The following BICD2 variants were observed in gnomAD, a reference collection of about 807,000 sequenced individuals.
BICD2 encodes the protein protein bicaudal D homolog 2.
A neutral mutation model predicts 72.9 loss-of-function variants in BICD2; 25 were observed. The observed-to-expected ratio is 0.34, with a 90% CI of 0.25 to 0.48. The LOEUF (loss-of-function observed/expected upper bound fraction) is 0.48. Ranked by LOEUF, BICD2 falls within the 20% of genes least tolerant of loss-of-function variation. BICD2 has a pLI of 0.99. For synonymous variants in BICD2, 501 were observed against 516.1 expected (o/e 0.97, Z 0.40); for missense variants, 894 against 1,175.2 (o/e 0.76, Z 3.50).
At chr9:92,753,860 T>C in intron 1 of BICD2, among the ~76,000 whole-genome samples, 1 of 151,618 alleles carries the variant, frequency 6.6e-6, no homozygotes, top group Non-Finnish European at 1.5e-5. Flanking sequence ...TTTATACACG[T>C]TCAATGGCTT....
chr9:92,729,856 G>A (rs1853644662), intron 1 of BICD2, among the ~76,000 whole-genome samples: 1 of 152,252 alleles, frequency 6.6e-6, no homozygotes, highest in Non-Finnish European at 1.5e-5. Context: ...AAGGGGCGCG[G>A]GGGCTGCACG....
At chr9:92,749,718 G>C (rs1163363493) in intron 1 of BICD2, among the ~76,000 whole-genome samples, 1 of 152,254 alleles carries the variant, frequency 6.6e-6, no homozygotes, top group Non-Finnish European at 1.5e-5. Context: ...GCTGCACCCA[G>C]GGCTGGCAAA....
At chr9:92,726,926 G>A (rs1853578720) in intron 2 of BICD2, among the ~76,000 whole-genome samples, 1 of 152,208 alleles carries the variant, frequency 6.6e-6, no homozygotes, top group African/African-American at 2.4e-5. Context: ...TAGGCCTCTT[G>A]GAAGAGAGAA....
At chr9:92,737,287 T>C (rs1853808108) in intron 1 of BICD2, among the ~76,000 whole-genome samples, 1 of 152,216 alleles carries the variant, frequency 6.6e-6, no homozygotes, top group African/African-American at 2.4e-5. Context: ...TGTGGCCTCC[T>C]ACTCCACCCA....
At position 92,729,109 on chromosome 9, in the gene BICD2, G is replaced by A. The variant is rs372717499; in HGVS notation, c.368C>T (p.Thr123Met). ...YYVRKVLELQTELKQLRNVLT... is the reference protein window; with the variant it reads ...YYVRKVLELQMELKQLRNVLT... ...GACATTGCGCAACTGCTTCAGCTCC[G>A]TCTGCAGCTCTAGCACCTTCCGCAC... is the stretch of plus-strand genomic sequence containing the variant. The change falls in exon 2 of 7, where the codon ACG becomes ATG. Residue 123 changes from threonine (T) to methionine (M), a missense_variant. Transcript: ENST00000356884. 38 of 1,614,118 alleles carry A rather than the reference G, an allele frequency of 2.4e-5. No homozygotes were observed. Among genetic ancestry groups the A allele is most frequent in the South Asian group, 5.5e-5 (5 of 91,092 alleles).
chr9:92,713,433 G>A lies in BICD2; in HGVS notation c.*1721C>T. On this transcript the variant is annotated 3_prime_UTR_variant, in exon 7 of 7. Transcript: ENST00000356884. ...GGCTGCAGTGTGACAGGGCCGGGTG[G>A]CCAAGTCCTCCTGGCAGCTACTCTA... 2 of 1,587,202 alleles carry A rather than the reference G, an allele frequency of 1.3e-6. No individual in the cohort carries two copies. Among genetic ancestry groups the A allele is most frequent in the Non-Finnish European group, 1.7e-6 (2 of 1,165,562 alleles).
chr9:92,720,172 G>T lies in BICD2; in HGVS notation c.1062+128C>A. On this transcript the variant is annotated intron_variant, in intron 4 of 6. Transcript: ENST00000356884. The surrounding 1 kb of genome is among the most constrained non-coding windows in gnomAD (Gnocchi z 5.4). ...CTGGAGTTCCATTTACCGTAATGAT[G>T]CAGGAGATAAAATCAACGTAAGGAA... is the stretch of plus-strand genomic sequence containing the variant. 1.0e-6 allele frequency: 1 copy of T among 977,806 alleles called. No individual in the cohort carries two copies. The highest frequency in any genetic ancestry group is 1.5e-6 in the Non-Finnish European group (1 of 680,888). The allele number at this position is 977,806 out of a possible 1,614,324, so 60.6% of individuals were successfully genotyped here. A position where few individuals can be genotyped will look rare whatever the true frequency, so the allele number is the denominator to read the frequency against.
intron 3 of BICD2, among the ~76,000 whole-genome samples, chr9:92,721,101 C>A (rs533887944): frequency 2.6e-5 from 4 of 152,222 alleles, no homozygotes; most frequent in African/African-American, 9.6e-5. Flanking sequence ...GCACCAAGAA[C>A]AACACACATC....
In BICD2 at chr9:92,713,397, G is replaced by C; in HGVS notation, c.*1757C>G. Reference sequence around the variant, plus strand: ...CTTCCTCCTTGTGGGCCACGAGAGGGAAGGGGAAGGGGCTGCAGTGTGACA... The same window carrying C: ...CTTCCTCCTTGTGGGCCACGAGAGGCAAGGGGAAGGGGCTGCAGTGTGACA... On this transcript the variant is annotated 3_prime_UTR_variant, in exon 7 of 7. Transcript: ENST00000356884. 1 of 1,544,434 alleles carries C rather than the reference G, an allele frequency of 6.5e-7. No individual in the cohort carries two copies. The highest frequency in any genetic ancestry group is 2.3e-5 in the East Asian group (1 of 42,632).
Position 92,715,040 on chromosome 9 carries a change from C to G in BICD2, c.*114G>C. Reference sequence around the variant, plus strand: ...CGCCCCATGGCGCCTCGGCTAGACTCCTACCCTCTGTGCATTAGTCACGTT... The same window carrying G: ...CGCCCCATGGCGCCTCGGCTAGACTGCTACCCTCTGTGCATTAGTCACGTT... On this transcript the variant is annotated 3_prime_UTR_variant, in exon 7 of 7. Transcript: ENST00000356884. 6.9e-7 allele frequency: 1 copy of G among 1,456,762 alleles called. No homozygotes were observed. Among genetic ancestry groups the G allele is most frequent in the Non-Finnish European group, 9.1e-7 (1 of 1,103,264 alleles). 90.2% of individuals were successfully genotyped at this position (1,456,762 alleles called of 1,614,324 possible). A position where few individuals can be genotyped will look rare whatever the true frequency, so the allele number is the denominator to read the frequency against.
intron 2 of BICD2, among the ~76,000 whole-genome samples, chr9:92,725,754 C>T (rs772100129): frequency 4.6e-5 from 7 of 152,240 alleles, no homozygotes; most frequent in Non-Finnish European, 7.3e-5. Flanking sequence ...TGCAGGGGGT[C>T]GGCTGCCCTC....
chr9:92,764,531 G>A lies in BICD2; in HGVS notation c.214C>T (p.Arg72Cys), dbSNP rs909189054. 1 of 1,538,460 alleles carries A rather than the reference G, an allele frequency of 6.5e-7. No homozygotes were observed. Among genetic ancestry groups the A allele is most frequent in the Non-Finnish European group, 8.8e-7 (1 of 1,142,116 alleles). Residue 72 changes from arginine to cysteine, a missense_variant, in exon 1 of 7, where the codon CGC becomes TGC. Physicochemically the swap from Arg to Cys is radical, Grantham distance 180 (BLOSUM62 -3). This residue lies in a region of BICD2 where 192 missense variants were observed against 243.6 expected (regional missense o/e 0.79). Transcript: ENST00000356884. The surrounding 1 kb of genome is among the most constrained non-coding windows in gnomAD (Gnocchi z 5.5). ...TCCTTGAGCTGCTCCATCTCGCTGCGGATAGCCTCATAGTCCACCTCGAGC... is the reference window on the plus strand; with the variant it reads ...TCCTTGAGCTGCTCCATCTCGCTGCAGATAGCCTCATAGTCCACCTCGAGC... Reference protein sequence around the residue: ...EELEVDYEAIRSEMEQLKEAF... With the variant: ...EELEVDYEAICSEMEQLKEAF...
chr9:92,734,724 C>A (rs1853743969), intron 1 of BICD2, among the ~76,000 whole-genome samples: 1 of 152,138 alleles, frequency 6.6e-6, no homozygotes, highest in Non-Finnish European at 1.5e-5. Flanking sequence ...GTGGGCTTGT[C>A]CTTGCAGCTT....
chr9:92,717,802 G>A lies in BICD2; in HGVS notation c.2253C>T (p.Ala751=), dbSNP rs766685844. ...ATFSSLRAMF[A]TRCDEYITQL... ...CCCGACAGCAGCACGGTTACCTGGT[G>A]GCAAACATAGCACGCAGCGAGGAGA... Residue 751 remains alanine, a synonymous_variant, in exon 6 of 7, where the codon GCC becomes GCT. Transcript: ENST00000356884. 1.9e-6 allele frequency: 3 copies of A among 1,608,740 alleles called. No homozygotes were observed. The highest frequency in any genetic ancestry group is 1.7e-5 in the Admixed American group (1 of 59,516).
At chr9:92,748,830 C>A (rs925401547) in intron 1 of BICD2, among the ~76,000 whole-genome samples, 1 of 152,150 alleles carries the variant, frequency 6.6e-6, no homozygotes, top group African/African-American at 2.4e-5. Flanking sequence ...ACAAGCCCTG[C>A]AAAGTAAAAA....
intron 1 of BICD2, among the ~76,000 whole-genome samples, chr9:92,734,093 A>G (rs1311944313): frequency 1.3e-5 from 2 of 152,284 alleles, no homozygotes; most frequent in Admixed American, 6.5e-5. Flanking sequence ...TGCTATACAG[A>G]TAACAGAGAT....
intron 1 of BICD2, among the ~76,000 whole-genome samples, chr9:92,751,424 GTGAGCCAC>G: frequency 6.6e-6 from 1 of 152,212 alleles, no homozygotes; most frequent in African/African-American, 2.4e-5. Flanking sequence ...GATTACAGGT[GTGAGCCAC>G]TGAGCCCAGC....
intron 1 of BICD2, among the ~76,000 whole-genome samples, chr9:92,745,623 T>C (rs1162436358): frequency 1.3e-5 from 2 of 152,022 alleles, no homozygotes; most frequent in Admixed American, 6.5e-5. Flanking sequence ...AAGAAGACTC[T>C]GGGTGCCCAG....
intron 1 of BICD2, among the ~76,000 whole-genome samples, chr9:92,756,443 AG>A (rs1854259253): frequency 6.6e-6 from 1 of 151,602 alleles, no homozygotes; most frequent in South Asian, 2.1e-4. Flanking sequence ...TTGTATTTTT[AG>A]TAGAGACGGG....
Sources: gnomAD v4.1 joint callset for allele counts (sites outside exome capture counted in the v4.1 genomes callset) on GRCh38, gnomAD v4.1.1 for gene constraint, gnomAD v4.1.1 regional missense constraint, Gnocchi (gnomAD v3.1) non-coding constraint, MANE v1.5 for transcripts, NCBI Gene and HGNC (gene_info 2026-07-23, HGNC 2026-07-21) for gene names.